The following AKAP10 variants were observed in gnomAD, a reference collection of about 807,000 sequenced individuals.
AKAP10 encodes the protein A-kinase anchoring protein 10, also known as A-kinase anchor protein 10, mitochondrial.
AKAP10 carries 24 observed loss-of-function variants against 80.8 expected under a neutral mutation model. The ratio of observed to expected loss-of-function variants is 0.30; its 90% confidence interval spans 0.22 to 0.42. The LOEUF is 0.42. AKAP10 is among the 10% of genes least tolerant of loss of function. The pLI is 1.00. For missense variants in AKAP10, 661 were observed against 794.9 expected, an observed-to-expected ratio of 0.83 and a Z score of 2.03; for synonymous variants, 291 against 277.7, an observed-to-expected ratio of 1.05 and a Z score of -0.48.
In AKAP10 at chr17:19,954,270, G is replaced by C. The variant is rs146982548; in HGVS notation, c.877+3744C>G. ...GAATAGACACACACATCATGAAACA[G>C]AAAAAGGAGTCCAAAAACAGGCCTA... On this transcript the variant is annotated intron_variant, in intron 4 of 14. Coordinates refer to ENST00000225737, the MANE Select transcript of AKAP10 (RefSeq NM_007202.4). 1.5e-3 allele frequency among the ~76,000 whole-genome samples: 228 copies of C among 152,152 alleles called. 2 individuals carry two copies. The highest frequency in any genetic ancestry group is 5.2e-3 in the African/African-American group (214 of 41,550).
chr17:19,960,097 C>T (rs901739715), intron 3 of AKAP10, among the ~76,000 whole-genome samples: 5 of 152,102 alleles, frequency 3.3e-5, no homozygotes, highest in African/African-American at 1.2e-4. Flanking sequence ...AATAATAATA[C>T]CTAGAGATCC....
At chr17:19,955,215 C>T (rs1430956827) in intron 4 of AKAP10, among the ~76,000 whole-genome samples, 1 of 150,730 alleles carries the variant, frequency 6.6e-6, no homozygotes, top group Non-Finnish European at 1.5e-5. Context: ...GAGCAAGACG[C>T]TGTCTCAAAA....
At chr17:19,916,077 C>T (rs184168217) in intron 12 of AKAP10, among the ~76,000 whole-genome samples, 7 of 152,296 alleles carry the variant, frequency 4.6e-5, no homozygotes, top group African/African-American at 9.6e-5. Context: ...TCTCTAGCTT[C>T]GGGCCTCTAT....
At chr17:19,906,507 T>A (rs1199146523) in intron 14 of AKAP10, among the ~76,000 whole-genome samples, 1 of 152,190 alleles carries the variant, frequency 6.6e-6, no homozygotes, top group Non-Finnish European at 1.5e-5. Context: ...CAATAGATAT[T>A]AGAATGAAAA....
At chr17:19,916,856 G>C (rs557667114) in intron 12 of AKAP10, among the ~76,000 whole-genome samples, 6 of 152,056 alleles carry the variant, frequency 3.9e-5, no homozygotes, top group Admixed American at 2.0e-4. Context: ...AGAATGGCTT[G>C]AACCTGGCAG....
chr17:19,922,845 A>C (rs1267044121), intron 11 of AKAP10, among the ~76,000 whole-genome samples: 1 of 152,176 alleles, frequency 6.6e-6, no homozygotes, highest in East Asian at 1.9e-4. Context: ...GGTTGCAGAG[A>C]GCTGAGATTG....
Position 19,958,072 on chromosome 17 carries a change from T to C in AKAP10, c.819A>G (p.Val273=), listed in dbSNP as rs1262405359. Residue 273 remains valine (V), a synonymous_variant, in exon 4 of 15, where the codon GTA becomes GTG. Coordinates refer to ENST00000225737, the MANE Select transcript of AKAP10 (RefSeq NM_007202.4). ...ETQESSSTLT[V]ASRNSPASPL... The stretch of plus-strand genomic sequence containing the variant: ...GAGAAGCGGGACTATTTCTACTGGC[T>C]ACTGTAAGTGTAGAGGAAGATTCTT... 6.2e-7 allele frequency: 1 copy of C among 1,614,112 alleles called. No individual in the cohort carries two copies. The highest frequency in any genetic ancestry group is 8.5e-7 in the Non-Finnish European group (1 of 1,180,032).
intron 12 of AKAP10, among the ~76,000 whole-genome samples, chr17:19,919,007 A>G (rs1262965009): frequency 6.6e-6 from 1 of 152,120 alleles, no homozygotes; most frequent in Non-Finnish European, 1.5e-5. Context: ...TACATGTACC[A>G]TGTTGGTGTG....
At chr17:19,935,068 TTG>T (rs1371380933) in intron 9 of AKAP10, among the ~76,000 whole-genome samples, 37 of 152,310 alleles carry the variant, frequency 2.4e-4, no homozygotes, top group African/African-American at 8.4e-4. Flanking sequence ...CTGCTTGCCA[TTG>T]TGCTAACATC....
chr17:19,946,261 ATATATATATATATATTT>A (rs2043123294), intron 5 of AKAP10, among the ~76,000 whole-genome samples: 7 of 25,758 alleles, frequency 2.7e-4, no homozygotes, highest in African/African-American at 5.0e-4. Context: ...ATATATATAT[ATATATATATATATATTT>A]TTTTTTTTTT....
At chr17:19,961,840 G>T (rs1004932755) in intron 3 of AKAP10, among the ~76,000 whole-genome samples, 1 of 152,170 alleles carries the variant, frequency 6.6e-6, no homozygotes, top group Admixed American at 6.5e-5. Flanking sequence ...ACTGAACCAG[G>T]TGTGGTGGTT....
intron 7 of AKAP10, among the ~76,000 whole-genome samples, 190 bp from the exon 8 acceptor site, chr17:19,940,039 G>A (rs555912577): frequency 6.6e-6 from 1 of 151,960 alleles, no homozygotes; most frequent in Admixed American, 6.6e-5. Context: ...TCTTTTAGAC[G>A]AAAAAAAAGT....
chr17:19,931,008 C>CA (rs35953365), intron 10 of AKAP10, among the ~76,000 whole-genome samples: 1 of 150,884 alleles, frequency 6.6e-6, no homozygotes, highest in African/African-American at 2.4e-5. Flanking sequence ...CATGCCTGGC[C>CA]AAAAAAAAAT....
chr17:19,970,832 AAAAT>A (rs757334967), intron 1 of AKAP10, among the ~76,000 whole-genome samples: 1 of 151,394 alleles, frequency 6.6e-6, no homozygotes, highest in Admixed American at 6.6e-5. Context: ...TAAAAAAAAA[AAAAT>A]AAATAAATAA....
At chr17:19,951,721 C>A (rs2043216305) in intron 4 of AKAP10, among the ~76,000 whole-genome samples, 1 of 151,988 alleles carries the variant, frequency 6.6e-6, no homozygotes, top group African/African-American at 2.4e-5. Context: ...GTCATCACCA[C>A]TCCCTAATCT....
chr17:19,932,258 C>G (rs2152413099), intron 9 of AKAP10, among the ~76,000 whole-genome samples: 1 of 152,012 alleles, frequency 6.6e-6, no homozygotes, highest in South Asian at 2.1e-4. Context: ...CAAGACCAGC[C>G]TGGCCAACAT....
intron 5 of AKAP10, among the ~76,000 whole-genome samples, chr17:19,946,248 T>A (rs867976557): frequency 0.036 from 655 of 18,112 alleles, 61 homozygotes; most frequent in African/African-American, 0.13. Context: ...TATATATATA[T>A]ATATATATAT....
At chr17:19,954,786 C>T (rs1204993268) in intron 4 of AKAP10, among the ~76,000 whole-genome samples, 1 of 151,840 alleles carries the variant, frequency 6.6e-6, no homozygotes, top group Non-Finnish European at 1.5e-5. Flanking sequence ...AGCCATGGCA[C>T]CTGGCCAACC....
intron 5 of AKAP10, 89 bp downstream of exon 5, chr17:19,947,318 G>GA: frequency 9.8e-7 from 1 of 1,018,316 alleles, no homozygotes. Context: ...TCCATGTTAA[G>GA]AAAAAATTAT....
Sources: allele counts gnomAD v4.1 joint callset (sites outside exome capture counted in the v4.1 genomes callset), GRCh38; gene constraint gnomAD v4.1.1; transcripts MANE v1.5; gene names NCBI Gene and HGNC (gene_info 2026-07-23, HGNC 2026-07-21).